Variants in SMCO2 observed in about 807,000 individuals in gnomAD.
The protein encoded by SMCO2 is single-pass membrane protein with coiled-coil domains 2, also known as single-pass membrane and coiled-coil domain-containing protein 2.
In SMCO2, 25 loss-of-function variants were observed where a neutral mutation model predicts 29.5. The observed-to-expected ratio is 0.85, with a 90% CI of 0.62 to 1.18. The LOEUF (loss-of-function observed/expected upper bound fraction) is 1.18. Among genes scored for constraint, SMCO2 ranks in the 50% most tolerant of loss-of-function variants. The probability of loss-of-function intolerance (pLI) is 0.00; values close to 1 mark genes in which losing one functional copy is unlikely to be tolerated. For synonymous variants in SMCO2, 117 were observed against 123.3 expected (o/e 0.95, Z 0.34); for missense variants, 348 against 344.5 (o/e 1.01, Z -0.08).
At chr12:27,432,691 C>A in the SMCO2 span, among the ~76,000 whole-genome samples, 1 of 152,218 alleles carries the variant, frequency 6.6e-6, no homozygotes, top group South Asian at 2.1e-4. Flanking sequence ...TCCAGGCAAC[C>A]ATTCATGATC....
chr12:27,442,736 T>C, the SMCO2 span, among the ~76,000 whole-genome samples: 1 of 152,238 alleles, frequency 6.6e-6, no homozygotes, highest in African/African-American at 2.4e-5. Flanking sequence ...TCTTTCTGCC[T>C]TGGCTACCTG....
chr12:27,425,390 A>G, the SMCO2 span: 1 of 152,204 alleles, frequency 6.6e-6, no homozygotes, highest in African/African-American at 2.4e-5. Context: ...GTTACTATAT[A>G]TATTTCTGGG....
chr12:27,435,275 C>T, the SMCO2 span, among the ~76,000 whole-genome samples: 1 of 25,358 alleles, frequency 3.9e-5, no homozygotes, highest in Non-Finnish European at 9.1e-5. Flanking sequence ...CACTAGATGG[C>T]AGCAGAACCC....
chr12:27,497,842 G>T, intron 7 of SMCO2: 1 of 275,636 alleles, frequency 3.6e-6, no homozygotes, highest in South Asian at 5.1e-5. Context: ...ATCTCTGGGT[G>T]AACAGTGGAC....
intron 7 of SMCO2, among the ~76,000 whole-genome samples, chr12:27,501,212 C>T (rs1054682922): frequency 6.7e-6 from 1 of 148,212 alleles, no homozygotes; most frequent in Non-Finnish European, 1.5e-5. Flanking sequence ...GTCAGGAGAT[C>T]GAGACCATCC....
chr12:27,452,410 A>G, the SMCO2 span, among the ~76,000 whole-genome samples: 10 of 152,196 alleles, frequency 6.6e-5, no homozygotes, highest in South Asian at 6.2e-4. Flanking sequence ...TTTAAATCCA[A>G]TCATCCACTG....
In SMCO2 at chr12:27,486,693, A is replaced by T. The variant is rs1949691748; in HGVS notation, c.363-1767A>T. On this transcript the variant is annotated intron_variant, in intron 4 of 7. Coordinates refer to ENST00000298876, the Ensembl canonical transcript of SMCO2. ...CTTTCTTATACTATTCTCTATTTTA[A>T]TCATCAGCATTCAGCATAATACTTG... 2.0e-5 allele frequency among the ~76,000 whole-genome samples: 3 copies of T among 152,316 alleles called. No homozygotes were observed. In the South Asian group the frequency reaches 6.2e-4, roughly 32 times the overall value.
chr12:27,484,275 A>T (rs389778), intron 4 of SMCO2, among the ~76,000 whole-genome samples: 18,468 of 152,002 alleles, frequency 0.12, 2,170 homozygotes, highest in African/African-American at 0.28. Flanking sequence ...GCTGCTCGGG[A>T]GGTTGAGGCA....
the SMCO2 span, among the ~76,000 whole-genome samples, chr12:27,436,148 A>G: frequency 6.6e-6 from 1 of 152,112 alleles, no homozygotes; most frequent in Non-Finnish European, 1.5e-5. Flanking sequence ...CAAGGGCTCC[A>G]CCCTCATGAC....
chr12:27,452,540 A>G, the SMCO2 span, among the ~76,000 whole-genome samples: 1 of 152,166 alleles, frequency 6.6e-6, no homozygotes, highest in Admixed American at 6.6e-5. Flanking sequence ...CCCAGGCTGG[A>G]GTGCAGTGGC....
exon 3 of SMCO2, chr12:27,472,832 A>C: frequency 6.4e-7 from 1 of 1,550,830 alleles, no homozygotes; most frequent in Non-Finnish European, 8.7e-7. Context: ...GATGATGAGG[A>C]TGACATTTCC....
At chr12:27,427,273 A>G in the SMCO2 span, among the ~76,000 whole-genome samples, 2 of 152,218 alleles carry the variant, frequency 1.3e-5, no homozygotes, top group Non-Finnish European at 2.9e-5. Context: ...AACACAGATT[A>G]TGGGTCTCCT....
chr12:27,451,096 T>C, the SMCO2 span, among the ~76,000 whole-genome samples: 2 of 152,268 alleles, frequency 1.3e-5, no homozygotes, highest in African/African-American at 4.8e-5. Flanking sequence ...TTTATTTTAC[T>C]ACTACAGATA....
intron 3 of SMCO2, chr12:27,473,092 C>T (rs943396320): frequency 4.4e-6 from 2 of 453,288 alleles, no homozygotes; most frequent in Non-Finnish European, 7.9e-6. Flanking sequence ...TACTAGCCTT[C>T]CCATGCGAAC....
intron 5 of SMCO2, among the ~76,000 whole-genome samples, chr12:27,491,365 T>C (rs1003387618): frequency 6.6e-6 from 1 of 152,192 alleles, no homozygotes; most frequent in Admixed American, 6.5e-5. Flanking sequence ...AGAATTTCCA[T>C]GTGAATTTCT....
chr12:27,427,554 A>T, the SMCO2 span, among the ~76,000 whole-genome samples: 1 of 152,188 alleles, frequency 6.6e-6, no homozygotes, highest in Non-Finnish European at 1.5e-5. Context: ...CGTTTATAAC[A>T]TTTTAATTCT....
At chr12:27,436,257 C>T in the SMCO2 span, among the ~76,000 whole-genome samples, 1 of 152,242 alleles carries the variant, frequency 6.6e-6, no homozygotes, top group Non-Finnish European at 1.5e-5. Flanking sequence ...GTCTGCAGCA[C>T]TCACCTTGGG....
chr12:27,429,366 G>T, the SMCO2 span, among the ~76,000 whole-genome samples: 2 of 151,216 alleles, frequency 1.3e-5, no homozygotes, highest in Non-Finnish European at 2.9e-5. Flanking sequence ...ATATTCTAAT[G>T]ACTTTTTTAA....
At position 27,498,243 on chromosome 12, in the gene SMCO2, T is replaced by C. The variant is rs996032090; in HGVS notation, c.683+2388T>C. ...TGTGGTTTCACTAGAACCAGGTCTA[T>C]TGCACATCTGGCCAGTATCAATGAT... On this transcript the variant is annotated intron_variant, in intron 7 of 7. Coordinates refer to ENST00000298876, the Ensembl canonical transcript of SMCO2. 4 of 286,338 alleles carry C rather than the reference T, an allele frequency of 1.4e-5. No homozygotes were observed. In the Admixed American group the frequency reaches 1.4e-4, roughly 10 times the overall value. The allele number at this position is 286,338 out of a possible 1,614,324, so 17.7% of individuals were successfully genotyped here.
Sources: gnomAD v4.1 joint callset for allele counts (sites outside exome capture counted in the v4.1 genomes callset) on GRCh38, gnomAD v4.1.1 for gene constraint, MANE v1.5 for transcripts, NCBI Gene and HGNC (gene_info 2026-07-23, HGNC 2026-07-21) for gene names.